The following USH2A variants were observed in gnomAD, a reference collection of about 807,000 sequenced individuals.
The protein encoded by USH2A is usherin.
A neutral mutation model predicts 538.9 loss-of-function variants in USH2A; 443 were observed. That is an observed-to-expected ratio of 0.82 (90% CI 0.76 to 0.89). The LOEUF is 0.89. Among genes scored for constraint, USH2A ranks in the 40% least tolerant of loss-of-function variants. The pLI, the probability that USH2A is intolerant of heterozygous loss-of-function variation, is 0.00. For missense variants in USH2A, 6,633 were observed against 6,324.8 expected, an observed-to-expected ratio of 1.05 and a Z score of -1.65; for synonymous variants, 2,413 against 2,273.5, an observed-to-expected ratio of 1.06 and a Z score of -1.75.
At chr1:216,106,777 A>T (rs545238825) in intron 21 of USH2A, among the ~76,000 whole-genome samples, 10 of 151,952 alleles carry the variant, frequency 6.6e-5, no homozygotes, top group Non-Finnish European at 1.2e-4. Context: ...TTCTAAGATA[A>T]CCATTTAACC....
At position 216,414,872 on chromosome 1, in the gene USH2A, C is replaced by G. The variant is rs1166146294; in HGVS notation, c.651+3642G>C. ...ATTAATCATTTGTTCTGTCCTATGCCCAGCATGATAAAAGTCCCTAATCCC... is the reference window on the plus strand; with the variant it reads ...ATTAATCATTTGTTCTGTCCTATGCGCAGCATGATAAAAGTCCCTAATCCC... On this transcript the variant is annotated intron_variant, in intron 3 of 71. Coordinates refer to ENST00000307340, the MANE Select transcript of USH2A (RefSeq NM_206933.4). Among the ~76,000 whole-genome samples, 3 of 151,834 alleles carry G rather than the reference C, an allele frequency of 2.0e-5. No homozygotes were observed. The East Asian group carries it at 5.8e-4, about 29-fold the overall frequency.
chr1:216,344,846 A>C (rs1571723344), intron 4 of USH2A, among the ~76,000 whole-genome samples: 1 of 151,248 alleles, frequency 6.6e-6, no homozygotes, highest in Admixed American at 6.6e-5. Context: ...GGCCCCTCTC[A>C]GTAAAGTCCC....
In USH2A at chr1:216,174,263, G is replaced by T. The variant is rs2034328763; in HGVS notation, c.4627+989C>A. The T allele has an allele frequency of 4.1e-5, 40 of 983,790 alleles. No homozygotes were observed. In the South Asian group the frequency reaches 1.2e-3, roughly 30 times the overall value. The allele number at this position is 983,790 out of a possible 1,614,324, so 60.9% of individuals were successfully genotyped here. ...TTTGCTCCAAAATGACTTTCTCATG[G>T]ATGATTAAATGAACATCTTTATGAG... On this transcript the variant is annotated intron_variant, in intron 21 of 71. Coordinates refer to ENST00000307340, the MANE Select transcript of USH2A (RefSeq NM_206933.4).
intron 16 of USH2A, among the ~76,000 whole-genome samples, chr1:216,201,280 T>C (rs1326810128): frequency 1.3e-5 from 2 of 150,940 alleles, no homozygotes; most frequent in Non-Finnish European, 3.0e-5. Context: ...TAACCCATCG[T>C]GTAAACCTAG....
chr1:215,887,371 T>C (rs1185740404), intron 41 of USH2A, among the ~76,000 whole-genome samples: 1 of 152,196 alleles, frequency 6.6e-6, no homozygotes, highest in Non-Finnish European at 1.5e-5. Context: ...GAATGATTAT[T>C]AACTCTATGC....
At chr1:215,940,492 T>C (rs980106693) in intron 37 of USH2A, among the ~76,000 whole-genome samples, 2 of 152,166 alleles carry the variant, frequency 1.3e-5, no homozygotes, top group African/African-American at 4.8e-5. Context: ...AGATTCCATT[T>C]TTCTGATAGA....
At chr1:216,308,213 G>A (rs922933346) in intron 9 of USH2A, among the ~76,000 whole-genome samples, 1 of 152,152 alleles carries the variant, frequency 6.6e-6, no homozygotes, top group Admixed American at 6.5e-5. Context: ...TGAGAAGTCT[G>A]GTCATGTTGA....
intron 58 of USH2A, among the ~76,000 whole-genome samples, chr1:215,750,403 C>T (rs1356099305): frequency 6.6e-6 from 1 of 152,132 alleles, no homozygotes; most frequent in Non-Finnish European, 1.5e-5. Context: ...GGGTGTCCAG[C>T]ATCATGTTTT....
chr1:216,034,961 A>T (rs910883576), intron 32 of USH2A, among the ~76,000 whole-genome samples: 1 of 152,200 alleles, frequency 6.6e-6, no homozygotes, highest in Non-Finnish European at 1.5e-5. Flanking sequence ...GAAGTAAGAG[A>T]TGTGATTGTG....
At chr1:215,955,811 A>G (rs1487370225) in intron 37 of USH2A, among the ~76,000 whole-genome samples, 1 of 152,180 alleles carries the variant, frequency 6.6e-6, no homozygotes, top group Non-Finnish European at 1.5e-5. Flanking sequence ...TTCTTGGTAT[A>G]TAGAACTATG....
intron 34 of USH2A, 101 bp downstream of exon 34, chr1:215,998,786 C>CATT: frequency 9.1e-7 from 1 of 1,095,364 alleles, no homozygotes; most frequent in Non-Finnish European, 1.3e-6. Flanking sequence ...AAGATTTTGA[C>CATT]TTTTTTTTTT....
intron 19 of USH2A, chr1:216,195,898 C>T (rs1490759136): frequency 6.0e-6 from 1 of 167,396 alleles, no homozygotes; most frequent in Non-Finnish European, 1.5e-5. Context: ...CTGGAGAGAA[C>T]AAGAGCCTCC....
chr1:215,654,321 G>A (rs1657174768), intron 64 of USH2A, among the ~76,000 whole-genome samples: 1 of 152,016 alleles, frequency 6.6e-6, no homozygotes, highest in South Asian at 2.1e-4. Context: ...CCCTCCCCCA[G>A]CCTCCACCCT....
intron 31 of USH2A, 145 bp from the exon 32 acceptor site, chr1:216,046,737 G>T: frequency 1.1e-6 from 1 of 948,820 alleles, no homozygotes; most frequent in Non-Finnish European, 1.6e-6. Context: ...GTCAGTAATT[G>T]CTTTAGGAAC....
intron 3 of USH2A, among the ~76,000 whole-genome samples, chr1:216,404,822 C>T (rs930312175): frequency 6.6e-6 from 1 of 151,884 alleles, no homozygotes; most frequent in Non-Finnish European, 1.5e-5. Flanking sequence ...CGAGGTTTCA[C>T]CAAGTTGCCC....
At chr1:215,654,473 A>G (rs1657180053) in intron 64 of USH2A, among the ~76,000 whole-genome samples, 1 of 152,168 alleles carries the variant, frequency 6.6e-6, no homozygotes, top group Admixed American at 6.5e-5. Flanking sequence ...GAAATACATT[A>G]TTATTTGGGT....
At chr1:216,278,672 T>C (rs776391747) in intron 11 of USH2A, among the ~76,000 whole-genome samples, 1 of 152,214 alleles carries the variant, frequency 6.6e-6, no homozygotes, top group South Asian at 2.1e-4. Context: ...CTATTCATGG[T>C]CAGGTTTCTC....
intron 38 of USH2A, among the ~76,000 whole-genome samples, chr1:215,914,050 C>T (rs922289473): frequency 6.6e-6 from 1 of 150,386 alleles, no homozygotes; most frequent in Admixed American, 6.6e-5. Flanking sequence ...CTAAGGTTAG[C>T]CATTGTCAAG....
intron 21 of USH2A, among the ~76,000 whole-genome samples, chr1:216,164,533 G>C (rs1341728246): frequency 6.6e-6 from 1 of 152,070 alleles, no homozygotes; most frequent in Non-Finnish European, 1.5e-5. Context: ...TATGAAGACA[G>C]GGGGAATAAT....
Sources: gnomAD v4.1 joint callset for allele counts (sites outside exome capture counted in the v4.1 genomes callset) on GRCh38, gnomAD v4.1.1 for gene constraint, MANE v1.5 for transcripts, NCBI Gene and HGNC (gene_info 2026-07-23, HGNC 2026-07-21) for gene names.